Variants in LONP2 observed in about 807,000 individuals in gnomAD.
LONP2 encodes lon peptidase 2, peroxisomal.
In LONP2, 60 loss-of-function variants were observed where a neutral mutation model predicts 85.6. The ratio of observed to expected loss-of-function variants is 0.70; its 90% CI spans 0.57 to 0.87. The LOEUF is 0.87. Among genes scored for constraint, LONP2 ranks in the 40% least tolerant of loss-of-function variants. The probability of loss-of-function intolerance (pLI) is 0.00; values close to 1 mark genes in which losing one functional copy is unlikely to be tolerated. For missense variants in LONP2, 860 were observed against 1,063.5 expected (o/e 0.81, Z 2.66); for synonymous variants, 395 against 389.7 (o/e 1.01, Z -0.16).
At chr16:48,309,237 G>A (rs1167475468) in intron 11 of LONP2, among the ~76,000 whole-genome samples, 3 of 152,136 alleles carry the variant, frequency 2.0e-5, no homozygotes, top group African/African-American at 7.2e-5. Flanking sequence ...AACATATGGA[G>A]AGTTCTCAAA....
chr16:48,360,212 GA>G (rs1347755853), downstream of LONP2, among the ~76,000 whole-genome samples: 2 of 152,256 alleles, frequency 1.3e-5, no homozygotes, highest in African/African-American at 4.8e-5. Context: ...TCTGGTTGCA[GA>G]ACCAAGGCTC....
intron 2 of LONP2, among the ~76,000 whole-genome samples, chr16:48,254,989 C>T (rs1971729568): frequency 1.3e-5 from 2 of 152,134 alleles, no homozygotes; most frequent in Non-Finnish European, 2.9e-5. Flanking sequence ...CTTTAATTCC[C>T]TTCATTCTAG....
chr16:48,335,458 T>TA (rs1222445674), intron 12 of LONP2, among the ~76,000 whole-genome samples: 2 of 152,242 alleles, frequency 1.3e-5, no homozygotes, highest in Non-Finnish European at 2.9e-5. Context: ...AAATAGATGT[T>TA]AGACTATAAC....
chr16:48,322,717 T>C (rs1218885801), intron 11 of LONP2, among the ~76,000 whole-genome samples: 4 of 152,118 alleles, frequency 2.6e-5, no homozygotes, highest in Admixed American at 6.6e-5. Context: ...TCTAAAAATA[T>C]ATATAAGAAT....
intron 11 of LONP2, among the ~76,000 whole-genome samples, chr16:48,330,544 G>T (rs1364943159): frequency 1.3e-5 from 2 of 152,156 alleles, no homozygotes; most frequent in Admixed American, 6.5e-5. Context: ...ATAACCGGGG[G>T]TTCGTTCCTT....
chr16:48,322,265 CA>C (rs1006156534), intron 11 of LONP2, among the ~76,000 whole-genome samples: 19 of 151,088 alleles, frequency 1.3e-4, no homozygotes, highest in Non-Finnish European at 1.0e-4. Context: ...TGATTTTTCA[CA>C]AAAAAAAATT....
intron 3 of LONP2, 92 bp downstream of exon 3, chr16:48,256,833 G>A: frequency 8.5e-7 from 1 of 1,171,918 alleles, no homozygotes; most frequent in Non-Finnish European, 1.2e-6. Flanking sequence ...TCAAGAAAAA[G>A]ATATTGGAGA....
At chr16:48,250,569 C>T (rs75315381) in intron 1 of LONP2, among the ~76,000 whole-genome samples, 66 of 152,154 alleles carry the variant, frequency 4.3e-4, no homozygotes, top group African/African-American at 1.4e-3. Flanking sequence ...GTCTCCTGAT[C>T]GGAGATTTGG....
At chr16:48,343,581 C>T (rs1959878787) in intron 12 of LONP2, among the ~76,000 whole-genome samples, 1 of 151,964 alleles carries the variant, frequency 6.6e-6, no homozygotes, top group Non-Finnish European at 1.5e-5. Context: ...ACCTGTAGTC[C>T]CAGCTACTTG....
At chr16:48,329,868 T>C (rs1959383696) in intron 11 of LONP2, among the ~76,000 whole-genome samples, 1 of 152,264 alleles carries the variant, frequency 6.6e-6, no homozygotes, top group Non-Finnish European at 1.5e-5. Context: ...TGTTGGGTAC[T>C]TATATTGGAT....
chr16:48,296,559 C>T (rs904711068), intron 9 of LONP2, among the ~76,000 whole-genome samples: 3 of 151,944 alleles, frequency 2.0e-5, no homozygotes, highest in African/African-American at 7.3e-5. Flanking sequence ...GAAACACCAT[C>T]TCAATAAAAA....
At chr16:48,321,212 T>C (rs961966705) in intron 11 of LONP2, among the ~76,000 whole-genome samples, 2 of 152,226 alleles carry the variant, frequency 1.3e-5, no homozygotes, top group East Asian at 1.9e-4. Context: ...GTCATTGTTA[T>C]ACATTATCAA....
rs749145297 is a variant in LONP2 at position 48,270,261 on chromosome 16, A to C, written c.1228A>C (p.Ile410Leu). The change falls in exon 7 of 15, where the codon ATT becomes CTT. Residue 410 changes from isoleucine (I) to leucine (L), a missense_variant. By Grantham distance (5) the Ile-to-Leu change is conservative (BLOSUM62 2). Around this residue, in one of 3 missense-constraint regions of LONP2, gnomAD observed 743 missense variants for 917.3 expected, o/e 0.81. Coordinates refer to ENST00000285737, the MANE Select transcript of LONP2 (RefSeq NM_031490.5). ...ALGGVCDQSD[I>L]RGHRRTYVGS... ...TGGAGGAGTATGTGATCAGTCTGACATTCGAGGACACAGGTAGAACACTTC... is the reference window on the plus strand; with the variant it reads ...TGGAGGAGTATGTGATCAGTCTGACCTTCGAGGACACAGGTAGAACACTTC... The C allele has an allele frequency of 1.9e-6, 3 of 1,613,944 alleles. No homozygotes were observed. The highest frequency in any genetic ancestry group is 2.5e-6 in the Non-Finnish European group (3 of 1,179,852).
Position 48,334,363 on chromosome 16 carries a change from T to C in LONP2, c.1938+5T>C, listed in dbSNP as rs1959572117. The C allele has an allele frequency of 6.2e-7, 1 of 1,613,982 alleles. No homozygotes were observed. Among genetic ancestry groups the C allele is most frequent in the South Asian group, 1.1e-5 (1 of 91,082 alleles). On this transcript the variant is annotated splice_donor_5th_base_variant and intron_variant, in intron 12 of 14. Transcript: ENST00000285737. Reference sequence around the variant, plus strand: ...CCCCCGATGTATGAAATGGAGGTGATTCATTCTTTTTATTTCTTTTTGCTC... The same window carrying C: ...CCCCCGATGTATGAAATGGAGGTGACTCATTCTTTTTATTTCTTTTTGCTC...
At chr16:48,282,426 AAAAG>A (rs1230464820) in intron 8 of LONP2, among the ~76,000 whole-genome samples, 9 of 151,688 alleles carry the variant, frequency 5.9e-5, no homozygotes, top group African/African-American at 1.2e-4. Context: ...AAAAAAAAAA[AAAAG>A]AAAGAAAGTG....
intron 8 of LONP2, among the ~76,000 whole-genome samples, chr16:48,293,225 G>A (rs11646850): frequency 0.18 from 27,876 of 151,964 alleles, 3,216 homozygotes; most frequent in Non-Finnish European, 0.27. Flanking sequence ...TCAGGAGATC[G>A]AGACCATCCT....
intron 12 of LONP2, chr16:48,334,675 G>T: frequency 1.7e-6 from 1 of 582,570 alleles, no homozygotes; most frequent in East Asian, 4.0e-5. Flanking sequence ...CTTTCTGGAT[G>T]TTGTAGTCTA....
chr16:48,356,376 A>C lies in LONP2; in HGVS notation c.*4574A>C, dbSNP rs1960354391. 1.3e-5 allele frequency: 2 copies of C among 152,872 alleles called. No individual in the cohort carries two copies. The highest frequency in any genetic ancestry group is 4.1e-4 in the South Asian group (2 of 4,872). 9.5% of individuals were successfully genotyped at this position (152,872 alleles called of 1,614,324 possible). ...TTAGTTTTGCCAATTCCCTTTCCAA[A>C]TCTAAAATTTATTTTAACCAGGATT... On this transcript the variant is annotated 3_prime_UTR_variant, in exon 15 of 15. Coordinates refer to ENST00000285737, the MANE Select transcript of LONP2 (RefSeq NM_031490.5).
chr16:48,361,445 G>A, downstream of LONP2: 1 of 786,124 alleles, frequency 1.3e-6, no homozygotes, highest in Admixed American at 2.4e-5. Flanking sequence ...GTATTTAACA[G>A]CCTTTCTTTT....
Sources: allele counts gnomAD v4.1 joint callset (sites outside exome capture counted in the v4.1 genomes callset), GRCh38; gene constraint gnomAD v4.1.1; regional missense constraint gnomAD v4.1.1; transcripts MANE v1.5; gene names NCBI Gene and HGNC (gene_info 2026-07-23, HGNC 2026-07-21).